Variants in OXR1 observed in about 807,000 individuals in gnomAD.
The protein encoded by OXR1 is oxidation resistance protein 1.
OXR1 carries 41 observed loss-of-function variants against 104.6 expected under a neutral mutation model. That is an observed-to-expected ratio of 0.39 (90% CI 0.31 to 0.51). The LOEUF is 0.51. OXR1 is among the 20% of genes least tolerant of loss of function. The pLI is 0.77. For missense variants in OXR1, 955 were observed against 1,031.9 expected, an observed-to-expected ratio of 0.93 and a Z score of 1.02; for synonymous variants, 348 against 348.4, an observed-to-expected ratio of 1.00 and a Z score of 0.01.
intron 4 of OXR1, among the ~76,000 whole-genome samples, 155 bp downstream of exon 4, chr8:106,679,447 TG>T (rs1287146134): frequency 1.3e-5 from 2 of 152,058 alleles, no homozygotes; most frequent in African/African-American, 2.4e-5. Context: ...TTTTAGTTGT[TG>T]TTTTTTTCTT....
Position 106,694,606 on chromosome 8 carries a change from AT to A in OXR1, c.675+1730del, listed in dbSNP as rs1197391649. On this transcript the variant is annotated intron_variant, in intron 7 of 16. Coordinates refer to ENST00000517566, the MANE Select transcript of OXR1 (RefSeq NM_001198533.2). Reference sequence around the variant, plus strand: ...GTTTATATATATTTGATATATAAATATATGTTTATATATATTTGATATATAA... The same window carrying A: ...GTTTATATATATTTGATATATAAATAATGTTTATATATATTTGATATATAA... 3.8e-3 allele frequency among the ~76,000 whole-genome samples: 206 copies of A among 53,916 alleles called. 4 individuals are homozygous for A. The highest frequency in any genetic ancestry group is 0.02 in the African/African-American group (189 of 9,614). The allele number at this position is 53,916 out of a possible 152,430, so 35.4% of individuals were successfully genotyped here. A position where few individuals can be genotyped will look rare whatever the true frequency, so the allele number is the denominator to read the frequency against.
chr8:106,665,093 T>C (rs1304832266), intron 3 of OXR1, among the ~76,000 whole-genome samples: 1 of 152,218 alleles, frequency 6.6e-6, no homozygotes, highest in East Asian at 1.9e-4. Context: ...GAGAATTATT[T>C]ACTCAGTTAT....
intron 3 of OXR1, among the ~76,000 whole-genome samples, chr8:106,649,462 T>C (rs1293031692): frequency 6.6e-6 from 1 of 151,684 alleles, no homozygotes; most frequent in African/African-American, 2.4e-5. Context: ...TTATATATTG[T>C]CCTTTTAATT....
chr8:106,671,044 C>CA (rs60404483), intron 3 of OXR1, among the ~76,000 whole-genome samples: 2,032 of 48,746 alleles, frequency 0.042, 212 homozygotes, highest in African/African-American at 0.17. Flanking sequence ...GACTCTGTCT[C>CA]AAAAAAAAAA....
intron 3 of OXR1, among the ~76,000 whole-genome samples, chr8:106,655,816 G>A (rs540408698): frequency 6.6e-6 from 1 of 152,182 alleles, no homozygotes; most frequent in East Asian, 1.9e-4. Context: ...CAGTCATCAA[G>A]GTTATACATT....
chr8:106,561,992 G>C (rs1389835255), intron 3 of OXR1, among the ~76,000 whole-genome samples: 1 of 152,112 alleles, frequency 6.6e-6, no homozygotes, highest in Non-Finnish European at 1.5e-5. Context: ...AAGACCAAAG[G>C]TAGATAAACC....
At chr8:106,274,141 G>A (rs184734075) in intron 1 of OXR1, among the ~76,000 whole-genome samples, 5 of 152,130 alleles carry the variant, frequency 3.3e-5, no homozygotes, top group South Asian at 4.2e-4. Context: ...TAAGAATGTC[G>A]TATAATTTTC....
At chr8:106,397,999 T>C (rs1431174367) in intron 2 of OXR1, among the ~76,000 whole-genome samples, 8 of 152,164 alleles carry the variant, frequency 5.3e-5, no homozygotes, top group African/African-American at 1.7e-4. Context: ...ATTCTGTGCC[T>C]TGTAGATTAA....
chr8:106,728,451 G>A (rs1345263157), intron 11 of OXR1, among the ~76,000 whole-genome samples: 2 of 152,094 alleles, frequency 1.3e-5, no homozygotes, highest in Admixed American at 1.3e-4. Context: ...TGACCTTACA[G>A]TAACCCTGTG....
chr8:106,695,660 C>T (rs1378095600), intron 7 of OXR1, among the ~76,000 whole-genome samples: 2 of 152,016 alleles, frequency 1.3e-5, no homozygotes, highest in Non-Finnish European at 2.9e-5. Context: ...CCTCGTGATC[C>T]GCCTGCTTCA....
intron 2 of OXR1, among the ~76,000 whole-genome samples, chr8:106,397,064 T>C (rs1817810486): frequency 6.6e-6 from 1 of 152,120 alleles, no homozygotes; most frequent in African/African-American, 2.4e-5. Context: ...AAATTATTCA[T>C]ATTGCATTGA....
chr8:106,372,676 T>C (rs936504734), intron 2 of OXR1, among the ~76,000 whole-genome samples: 1 of 152,194 alleles, frequency 6.6e-6, no homozygotes, highest in Non-Finnish European at 1.5e-5. Flanking sequence ...CTCCAGGCCA[T>C]GTGTATAAGG....
chr8:106,718,605 C>T (rs1226289324), intron 11 of OXR1, among the ~76,000 whole-genome samples: 5 of 151,776 alleles, frequency 3.3e-5, no homozygotes, highest in Admixed American at 2.6e-4. Context: ...TTTGGGAGGC[C>T]GAGACAGGTG....
intron 1 of OXR1, among the ~76,000 whole-genome samples, chr8:106,342,550 C>T (rs778448431): frequency 8.6e-5 from 13 of 152,032 alleles, no homozygotes; most frequent in Admixed American, 1.3e-4. Context: ...CCACCGTGCC[C>T]GGCCTCTCTT....
At chr8:106,588,319 T>C (rs373916451) in intron 3 of OXR1, among the ~76,000 whole-genome samples, 3 of 152,006 alleles carry the variant, frequency 2.0e-5, no homozygotes, top group African/African-American at 7.2e-5. Flanking sequence ...AAATTCAATA[T>C]ATCTCAAAGG....
intron 3 of OXR1, among the ~76,000 whole-genome samples, chr8:106,592,306 A>C (rs1362163924): frequency 1.3e-5 from 2 of 152,206 alleles, no homozygotes; most frequent in East Asian, 3.8e-4. Flanking sequence ...AATTTAAGAG[A>C]ATAATAGATG....
intron 7 of OXR1, among the ~76,000 whole-genome samples, chr8:106,696,927 A>C (rs1455966980): frequency 2.6e-5 from 4 of 152,172 alleles, no homozygotes; most frequent in Non-Finnish European, 5.9e-5. Flanking sequence ...CAGTCAGTGC[A>C]GCTGTGGCTG....
chr8:106,339,517 AAAATATATATATATATAT>A (rs1172236612), intron 1 of OXR1, among the ~76,000 whole-genome samples: 5 of 29,302 alleles, frequency 1.7e-4, no homozygotes, highest in African/African-American at 2.2e-4. Flanking sequence ...AAAAAAAAAA[AAAATATATATATATATAT>A]ATATATATAT....
intron 10 of OXR1, among the ~76,000 whole-genome samples, chr8:106,713,302 CAA>C: frequency 6.6e-6 from 1 of 151,860 alleles, no homozygotes; most frequent in African/African-American, 2.4e-5. Context: ...GTGTAGTAAA[CAA>C]AACATTGAAA....
Sources: gnomAD v4.1 joint callset for allele counts (sites outside exome capture counted in the v4.1 genomes callset) on GRCh38, gnomAD v4.1.1 for gene constraint, MANE v1.5 for transcripts, NCBI Gene and HGNC (gene_info 2026-07-23, HGNC 2026-07-21) for gene names.